The following TTLL7 variants were observed in gnomAD, a reference collection of about 807,000 sequenced individuals.
TTLL7 encodes the protein tubulin tyrosine ligase like 7.
A neutral mutation model predicts 120.2 loss-of-function variants in TTLL7; 53 were observed. That is an observed-to-expected ratio of 0.44 (90% CI 0.35 to 0.55). TTLL7 has a LOEUF of 0.55. Among genes scored for constraint, TTLL7 ranks in the 20% least tolerant of loss-of-function variants. TTLL7 has a pLI of 0.00. For missense variants in TTLL7, 803 were observed against 1,054.7 expected (o/e 0.76, Z 3.31); for synonymous variants, 353 against 351.7 (o/e 1.00, Z -0.04).
At chr1:83,875,980 A>G (rs780580015) in intron 20 of TTLL7, among the ~76,000 whole-genome samples, 22 of 151,714 alleles carry the variant, frequency 1.5e-4, no homozygotes, top group Non-Finnish European at 2.8e-4. Context: ...TGGTTCTATT[A>G]ATCTTTGCAT....
At chr1:83,942,342 C>A in intron 7 of TTLL7, 121 bp downstream of exon 7, 1 of 730,870 alleles carries the variant, frequency 1.4e-6, no homozygotes, top group Non-Finnish European at 2.2e-6. Context: ...ACAATTCTTC[C>A]AGACCACAAA....
intron 1 of TTLL7, among the ~76,000 whole-genome samples, chr1:83,962,504 A>G (rs530985980): frequency 3.5e-4 from 54 of 152,278 alleles, no homozygotes; most frequent in Admixed American, 3.2e-3. Flanking sequence ...TATGGCATCC[A>G]TATTACTTAA....
In TTLL7 at chr1:83,948,156, C is replaced by T. The variant is rs530248309; in HGVS notation, c.347+472G>A. ...TACAATCCCTGGCACATATTAAATG[C>T]TCAATCACCAATATGAAGACACACA... On this transcript the variant is annotated intron_variant, in intron 5 of 20. Coordinates refer to ENST00000260505, the MANE Select transcript of TTLL7 (RefSeq NM_024686.6). Among the ~76,000 whole-genome samples, 6 of 149,382 alleles carry T rather than the reference C, an allele frequency of 4.0e-5. No individual in the cohort carries two copies. The East Asian group carries it at 9.7e-4, about 24-fold the overall frequency.
At chr1:83,974,702 A>T (rs1451449871) in intron 1 of TTLL7, among the ~76,000 whole-genome samples, 1 of 152,032 alleles carries the variant, frequency 6.6e-6, no homozygotes, top group Non-Finnish European at 1.5e-5. Context: ...TCTACTACAT[A>T]ATATCAATAC....
chr1:83,947,496 AC>A (rs1648621824), intron 5 of TTLL7: 9 of 460,618 alleles, frequency 2.0e-5, no homozygotes, highest in East Asian at 1.7e-4. Context: ...AAAAAAAAAA[AC>A]AACCTTGCCC....
At chr1:83,970,334 C>A (rs957907700) in intron 1 of TTLL7, among the ~76,000 whole-genome samples, 18 of 152,052 alleles carry the variant, frequency 1.2e-4, no homozygotes, top group African/African-American at 4.3e-4. Flanking sequence ...GTGAAAATAG[C>A]TAGCAGTGAA....
chr1:83,915,796 G>GA (rs956760903), intron 14 of TTLL7, among the ~76,000 whole-genome samples: 52 of 145,198 alleles, frequency 3.6e-4, no homozygotes, highest in Admixed American at 9.6e-4. Context: ...AAATTTACAA[G>GA]AAAAAAAAAC....
At chr1:83,997,026 T>C (rs1653545447) in intron 1 of TTLL7, among the ~76,000 whole-genome samples, 1 of 152,228 alleles carries the variant, frequency 6.6e-6, no homozygotes, top group African/African-American at 2.4e-5. Context: ...AAATGACTTT[T>C]AGGAATCAAA....
chr1:83,963,334 G>T (rs1267959309), intron 1 of TTLL7, among the ~76,000 whole-genome samples: 1 of 152,018 alleles, frequency 6.6e-6, no homozygotes, highest in Admixed American at 6.6e-5. Context: ...AGCTGTGTTT[G>T]AACCTGAGAG....
intron 1 of TTLL7, among the ~76,000 whole-genome samples, chr1:83,966,282 G>A (rs946301699): frequency 2.6e-5 from 4 of 152,040 alleles, no homozygotes; most frequent in African/African-American, 9.7e-5. Context: ...CAGGCTGCTA[G>A]ACTACTCTGC....
intron 7 of TTLL7, among the ~76,000 whole-genome samples, chr1:83,940,801 C>T (rs930236358): frequency 6.6e-6 from 1 of 152,154 alleles, no homozygotes; most frequent in African/African-American, 2.4e-5. Context: ...CTCTCTTACT[C>T]TAATCATTCC....
chr1:83,874,800 C>T (rs1247344093), intron 20 of TTLL7, among the ~76,000 whole-genome samples: 1 of 151,906 alleles, frequency 6.6e-6, no homozygotes, highest in African/African-American at 2.4e-5. Flanking sequence ...CTTTTCTCAG[C>T]TGTAAAAAAT....
At chr1:83,948,879 G>A in intron 4 of TTLL7, 184 bp from the exon 5 acceptor site, 2 of 420,680 alleles carry the variant, frequency 4.8e-6, no homozygotes, top group South Asian at 6.2e-5. Context: ...GGTAATCAGA[G>A]AATAAAACTG....
At chr1:83,871,242 A>G (rs1392177572) in intron 20 of TTLL7, among the ~76,000 whole-genome samples, 1 of 152,026 alleles carries the variant, frequency 6.6e-6, no homozygotes, top group East Asian at 1.9e-4. Context: ...GATGGTCTCA[A>G]ATGAGTTATG....
chr1:83,897,603 T>C (rs112002758), intron 18 of TTLL7, among the ~76,000 whole-genome samples: 70 of 152,178 alleles, frequency 4.6e-4, no homozygotes, highest in African/African-American at 1.6e-3. Flanking sequence ...CCCAAGATAG[T>C]TCCCAGCCAA....
chr1:83,892,962 A>AGAAT lies in TTLL7; in HGVS notation c.2209-2482_2209-2481insATTC, dbSNP rs1326806724. On this transcript the variant is annotated intron_variant, in intron 18 of 20. Coordinates refer to ENST00000260505, the MANE Select transcript of TTLL7 (RefSeq NM_024686.6). ...AGAAAGAAAGAAAGAAAAGAATAAAAGAAAGAAAGAGAAAAAAGAGAGGGG... is the reference window on the plus strand; with the variant it reads ...AGAAAGAAAGAAAGAAAAGAATAAAAGAATGAAAGAAAGAGAAAAAAGAGAGGGG... 4.7e-4 allele frequency among the ~76,000 whole-genome samples: 59 copies of AGAAT among 125,712 alleles called. 2 individuals carry two copies. The highest frequency in any genetic ancestry group is 1.5e-3 in the African/African-American group (54 of 35,338). 82.5% of individuals were successfully genotyped at this position (125,712 alleles called of 152,430 possible).
In TTLL7 at chr1:83,897,307, G is replaced by A. The variant is rs543422509; in HGVS notation, c.2208+6772C>T. ...GTCTTGTGCTTCCATACCTTGAATA[G>A]TGCCTGGGGCATGGTAGTCCCTCAA... On this transcript the variant is annotated intron_variant, in intron 18 of 20. Transcript: ENST00000260505. 3.9e-5 allele frequency among the ~76,000 whole-genome samples: 6 copies of A among 152,128 alleles called. No individual in the cohort carries two copies. In the East Asian group the frequency reaches 1.2e-3, roughly 30 times the overall value.
At chr1:83,887,355 AC>A in intron 19 of TTLL7, 1 of 531,036 alleles carries the variant, frequency 1.9e-6, no homozygotes, top group Non-Finnish European at 3.0e-6. Flanking sequence ...TTTCACCATG[AC>A]CATTAGGCCT....
intron 14 of TTLL7, among the ~76,000 whole-genome samples, chr1:83,911,861 A>AG (rs936084324): frequency 5.3e-5 from 8 of 151,354 alleles, no homozygotes; most frequent in Admixed American, 2.0e-4. Context: ...TGTGTGTGTG[A>AG]GGGGGTGGGA....
Sources: gnomAD v4.1 joint callset for allele counts (sites outside exome capture counted in the v4.1 genomes callset) on GRCh38, gnomAD v4.1.1 for gene constraint, MANE v1.5 for transcripts, NCBI Gene and HGNC (gene_info 2026-07-23, HGNC 2026-07-21) for gene names.